Variants in UST observed in about 807,000 individuals in gnomAD.
UST encodes the protein chondroitin sulfate 2-O-sulfotransferase.
Under a neutral mutation model 45.6 loss-of-function variants are expected in UST, and 21 were observed. That is an observed-to-expected ratio of 0.46 (90% CI 0.33 to 0.66). The LOEUF is 0.66. UST is among the 30% of genes least tolerant of loss of function. The pLI, the probability that UST is intolerant of heterozygous loss-of-function variation, is 0.02. For synonymous variants in UST, 215 were observed against 200.6 expected (o/e 1.07, Z -0.61); for missense variants, 463 against 512.4 (o/e 0.90, Z 0.93).
At chr6:149,022,379 C>T (rs1409544690) in intron 7 of UST, among the ~76,000 whole-genome samples, 2 of 152,102 alleles carry the variant, frequency 1.3e-5, no homozygotes, top group African/African-American at 2.4e-5. Context: ...GCAGGTGGAT[C>T]ACCTGACGTC....
At position 148,894,814 on chromosome 6, in the gene UST, C is replaced by CTT. The variant is rs760698349; in HGVS notation, c.291+7806_291+7807dup. 5.4e-3 allele frequency among the ~76,000 whole-genome samples: 502 copies of CTT among 93,668 alleles called. 4 individuals are homozygous for CTT. The highest frequency in any genetic ancestry group is 7.4e-3 in the Non-Finnish European group (361 of 48,994). 61.4% of individuals were successfully genotyped at this position (93,668 alleles called of 152,430 possible). On this transcript the variant is annotated intron_variant, in intron 2 of 7. Coordinates refer to ENST00000367463, the MANE Select transcript of UST (RefSeq NM_005715.3). ...GAAGCTTATCAGGATAATTTCAGTG[C>CTT]TTTTTTTTTTTTTTTTTTTTTTGAG...
intron 1 of UST, among the ~76,000 whole-genome samples, chr6:148,855,292 C>G (rs767882912): frequency 6.6e-6 from 1 of 152,172 alleles, no homozygotes; most frequent in Admixed American, 6.5e-5. Flanking sequence ...TGCTTTGCAG[C>G]CTACTTGCCT....
chr6:148,771,187 T>C (rs1409433350), intron 1 of UST, among the ~76,000 whole-genome samples: 3 of 152,258 alleles, frequency 2.0e-5, no homozygotes, highest in Non-Finnish European at 4.4e-5. Flanking sequence ...ATAACTTTGA[T>C]CATACCATTT....
At chr6:148,887,263 G>A (rs909191545) in intron 2 of UST, among the ~76,000 whole-genome samples, 1 of 152,250 alleles carries the variant, frequency 6.6e-6, no homozygotes, top group African/African-American at 2.4e-5. Context: ...CCAGGCATTG[G>A]AGCCTGAGAC....
intron 2 of UST, among the ~76,000 whole-genome samples, chr6:148,925,492 GT>G (rs1304134550): frequency 1.3e-5 from 2 of 152,150 alleles, no homozygotes; most frequent in African/African-American, 4.8e-5. Flanking sequence ...ATAGTAGTAG[GT>G]TTTTTCCAAA....
At chr6:148,844,473 G>A (rs1441546885) in intron 1 of UST, among the ~76,000 whole-genome samples, 2 of 152,120 alleles carry the variant, frequency 1.3e-5, no homozygotes, top group Non-Finnish European at 2.9e-5. Flanking sequence ...GATGAGTTTT[G>A]ATAATACACA....
intron 2 of UST, among the ~76,000 whole-genome samples, chr6:148,914,280 GTTCAGAAATCTTACCCGAAACTCGA>G (rs1484551672): frequency 1.3e-5 from 2 of 151,626 alleles, no homozygotes; most frequent in Non-Finnish European, 2.9e-5. Flanking sequence ...TCATACGAGA[GTTCAGAAATCTTACCCGAAACTCGA>G]TTCTACCTTT....
rs542576705 is a variant in UST at position 148,953,332 on chromosome 6, T to C, written c.448-540T>C. Among the ~76,000 whole-genome samples the C allele has an allele frequency of 7.8e-4, 119 of 152,346 alleles. 1 individual carries two copies. Among genetic ancestry groups the C allele is most frequent in the African/African-American group, 2.6e-3 (109 of 41,576 alleles). On this transcript the variant is annotated intron_variant, in intron 3 of 7. Transcript: ENST00000367463. ...ACTGATTTCTCCAGTCAAAATTACT[T>C]AATCTGTCACGTTGCTTTCATGGTA...
rs547760437 is a variant in UST, at chr6:148,927,815, G to A, written c.292-13464G>A. Among the ~76,000 whole-genome samples the A allele has an allele frequency of 2.0e-5, 3 of 152,288 alleles. No individual in the cohort carries two copies. In the East Asian group the frequency reaches 5.8e-4, roughly 29 times the overall value. ...ACTCAGTCAAAGCAGCTCTAGATGGGGCCAAGAAGTTATGCTTCAATAGAC... is the reference window on the plus strand; with the variant it reads ...ACTCAGTCAAAGCAGCTCTAGATGGAGCCAAGAAGTTATGCTTCAATAGAC... On this transcript the variant is annotated intron_variant, in intron 2 of 7. Transcript: ENST00000367463.
intron 7 of UST, among the ~76,000 whole-genome samples, chr6:149,027,120 A>C (rs1326324240): frequency 6.6e-6 from 1 of 152,156 alleles, no homozygotes. Context: ...TCCCATTAGA[A>C]GGATGGTAGT....
intron 1 of UST, among the ~76,000 whole-genome samples, chr6:148,798,210 G>A (rs1476797709): frequency 6.6e-6 from 1 of 152,198 alleles, no homozygotes; most frequent in Non-Finnish European, 1.5e-5. Context: ...TTGGTAGATT[G>A]AATGTGGACT....
chr6:148,920,960 C>A (rs373040565), intron 2 of UST, among the ~76,000 whole-genome samples: 2 of 152,314 alleles, frequency 1.3e-5, no homozygotes, highest in East Asian at 3.9e-4. Context: ...CCTCTACCAG[C>A]GAGTGTTATA....
At chr6:148,858,131 T>A (rs912424082) in intron 1 of UST, among the ~76,000 whole-genome samples, 1 of 151,394 alleles carries the variant, frequency 6.6e-6, no homozygotes, top group Admixed American at 6.6e-5. Flanking sequence ...ATGAAGGGAG[T>A]TTATTAAGGA....
intron 1 of UST, among the ~76,000 whole-genome samples, chr6:148,879,131 G>A (rs1287985743): frequency 2.0e-5 from 3 of 152,090 alleles, no homozygotes; most frequent in Non-Finnish European, 4.4e-5. Flanking sequence ...ATGCCCGGAG[G>A]TGCCCTGTGC....
At chr6:148,789,956 A>C (rs1776807760) in intron 1 of UST, among the ~76,000 whole-genome samples, 1 of 151,862 alleles carries the variant, frequency 6.6e-6, no homozygotes, top group Non-Finnish European at 1.5e-5. Flanking sequence ...GTGAAAACCA[A>C]AAGCTTTTTT....
intron 5 of UST, among the ~76,000 whole-genome samples, chr6:148,971,464 A>G (rs1780918631): frequency 1.3e-5 from 2 of 152,142 alleles, no homozygotes; most frequent in South Asian, 4.1e-4. Context: ...ATCACATCCT[A>G]CATGTAGGAT....
rs563653626 is a variant in UST, at chr6:148,811,123, A to C, written c.247+63446A>C. ...AAGCCCACTGGCATACAAAGGATACATCGATTATTGCTCATGATCTATGGG... is the reference window on the plus strand; with the variant it reads ...AAGCCCACTGGCATACAAAGGATACCTCGATTATTGCTCATGATCTATGGG... On this transcript the variant is annotated intron_variant, in intron 1 of 7. Transcript: ENST00000367463. Among the ~76,000 whole-genome samples, 18 of 152,354 alleles carry C rather than the reference A, an allele frequency of 1.2e-4. No individual in the cohort carries two copies. In the South Asian group the frequency reaches 3.7e-3, roughly 32 times the overall value.
chr6:149,020,701 C>T (rs1775964453), intron 6 of UST, among the ~76,000 whole-genome samples: 1 of 152,194 alleles, frequency 6.6e-6, no homozygotes, highest in Admixed American at 6.5e-5. Flanking sequence ...GCCCCACTCC[C>T]GGGCTTTTCT....
intron 1 of UST, among the ~76,000 whole-genome samples, chr6:148,850,305 T>C (rs535617168): frequency 6.6e-6 from 1 of 152,300 alleles, no homozygotes; most frequent in Non-Finnish European, 1.5e-5. Context: ...CAGCGTCTGC[T>C]CTTAACTATC....
Sources: allele counts gnomAD v4.1 joint callset (sites outside exome capture counted in the v4.1 genomes callset), GRCh38; gene constraint gnomAD v4.1.1; transcripts MANE v1.5; gene names NCBI Gene and HGNC (gene_info 2026-07-23, HGNC 2026-07-21).